Variants in OSR2 observed in about 807,000 individuals in gnomAD.
OSR2 encodes protein odd-skipped-related 2.
In OSR2, 8 loss-of-function variants were observed where a neutral mutation model predicts 22.3. That is an observed-to-expected ratio of 0.36 (90% CI 0.21 to 0.65). The LOEUF (loss-of-function observed/expected upper bound fraction) is 0.65, where lower values mean the gene tolerates loss of function less well. Ranked by LOEUF, OSR2 falls within the 30% of genes least tolerant of loss-of-function variation. The pLI, the probability that OSR2 is intolerant of heterozygous loss-of-function variation, is 0.66. For missense variants in OSR2, 311 were observed against 413.4 expected (o/e 0.75, Z 2.15); for synonymous variants, 179 against 173.8 (o/e 1.03, Z -0.23).
In OSR2 at chr8:98,949,254, C is replaced by T. The variant is rs769577107; in HGVS notation, c.302C>T (p.Ala101Val). ...CACCTATTCCACCCCAAGCAGGGGG[C>T]CATTGCCCACGTCCTCCCAGCCCTG... is the stretch of plus-strand genomic sequence containing the variant. ...TTHLFHPKQGAIAHVLPALHK... is the reference protein window; with the variant it reads ...TTHLFHPKQGVIAHVLPALHK... Residue 101 changes from alanine to valine, a missense_variant, in exon 2 of 4, where the codon GCC becomes GTC. By Grantham distance (64) the Ala-to-Val change is moderately conservative (BLOSUM62 0). This residue lies in a region of OSR2 where 146 missense variants were observed against 160.5 expected (regional missense o/e 0.91). Transcript: ENST00000297565. This position sits in a 1 kb window ranked among gnomAD's most constrained non-coding sequence, Gnocchi z 5.9. 1 of 1,606,988 alleles carries T rather than the reference C, an allele frequency of 6.2e-7. No homozygotes were observed. Among genetic ancestry groups the T allele is most frequent in the Non-Finnish European group, 8.5e-7 (1 of 1,175,330 alleles).
intron 3 of OSR2, 94 bp downstream of exon 3, chr8:98,950,849 A>C (rs1254320384): frequency 2.5e-6 from 2 of 803,538 alleles, no homozygotes; most frequent in Non-Finnish European, 4.2e-6. Flanking sequence ...TTCTCTTAAA[A>C]GGCTCTATTT....
intron 1 of OSR2, among the ~76,000 whole-genome samples, chr8:98,947,104 G>T (rs1249469543): frequency 6.6e-6 from 1 of 151,798 alleles, no homozygotes; most frequent in Non-Finnish European, 1.5e-5. Flanking sequence ...TGGGAAAGTT[G>T]ATTACTAATG....
At chr8:98,944,981 T>C (rs753026896) in intron 1 of OSR2, among the ~76,000 whole-genome samples, 158 bp downstream of exon 1, 6 of 152,210 alleles carry the variant, frequency 3.9e-5, no homozygotes, top group Non-Finnish European at 7.4e-5. Context: ...TCTCACTTCC[T>C]TGGGTCCCTG....
In OSR2 at chr8:98,951,976, TTTGTTTTG is replaced by T. The variant is rs1181139329; in HGVS notation, c.*286_*293del. On this transcript the variant is annotated 3_prime_UTR_variant, in exon 4 of 4. Transcript: ENST00000297565. ...AGCTCTGTACATAATGTTGTGGGTC[TTTGTTTTG>T]TTGTTTTGTTTGCTTTGGGATCTTG... 3.2e-6 allele frequency: 1 copy of T among 315,582 alleles called. No individual in the cohort carries two copies. Among genetic ancestry groups the T allele is most frequent in the Non-Finnish European group, 5.8e-6 (1 of 173,080 alleles). The allele number at this position is 315,582 out of a possible 1,614,324, so 19.5% of individuals were successfully genotyped here.
rs776584989 is a variant in OSR2 at position 98,949,177 on chromosome 8, G to T, written c.225G>T (p.Ala75=). The T allele has an allele frequency of 6.2e-7, 1 of 1,601,328 alleles. No individual in the cohort carries two copies. The highest frequency in any genetic ancestry group is 2.2e-5 in the East Asian group (1 of 44,790). ...CCACCATCACGGAGATGGCGGCGGC[G>T]CAGGGCCTCGTGGACGCGCGCTTCC... ...TRSTITEMAA[A]QGLVDARFPF... The change falls in exon 2 of 4, where the codon GCG becomes GCT. Residue 75 remains alanine, a synonymous_variant. Coordinates refer to ENST00000297565, the MANE Select transcript of OSR2 (RefSeq NM_001142462.3). This position sits in a 1 kb window ranked among gnomAD's most constrained non-coding sequence, Gnocchi z 5.9.
Position 98,948,587 on chromosome 8 carries a change from C to A in OSR2, c.-114-252C>A. ...CTTCCGCTCCGTATCTGCCTAGAGT[C>A]TGAATCCGACTTTCTTTCCTTTGGG... On this transcript the variant is annotated intron_variant, in intron 1 of 3. Coordinates refer to ENST00000297565, the MANE Select transcript of OSR2 (RefSeq NM_001142462.3). This position sits in a 1 kb window ranked among gnomAD's most constrained non-coding sequence, Gnocchi z 6.0. 1.8e-6 allele frequency: 2 copies of A among 1,087,796 alleles called. No homozygotes were observed. The highest frequency in any genetic ancestry group is 2.5e-6 in the Non-Finnish European group (2 of 787,558). The allele number at this position is 1,087,796 out of a possible 1,614,324, so 67.4% of individuals were successfully genotyped here. A position where few individuals can be genotyped will look rare whatever the true frequency, so the allele number is the denominator to read the frequency against.
chr8:98,946,526 C>T (rs1275409943), intron 1 of OSR2, among the ~76,000 whole-genome samples: 2 of 152,082 alleles, frequency 1.3e-5, no homozygotes, highest in African/African-American at 4.8e-5. Flanking sequence ...AAACTATCTG[C>T]CCTACAAATT....
intron 1 of OSR2, among the ~76,000 whole-genome samples, chr8:98,947,915 G>A (rs547227707): frequency 6.6e-6 from 1 of 152,270 alleles, no homozygotes; most frequent in African/African-American, 2.4e-5. Context: ...GAGGGATGTA[G>A]GGGTCGCTCC....
chr8:98,948,323 G>A lies in OSR2; in HGVS notation c.-114-516G>A. On this transcript the variant is annotated intron_variant, in intron 1 of 3. Coordinates refer to ENST00000297565, the MANE Select transcript of OSR2 (RefSeq NM_001142462.3). The surrounding 1 kb of genome is among the most constrained non-coding windows in gnomAD (Gnocchi z 6.0). ...TTGCCATCCGGGTAAGCGCGGGAAA[G>A]GCGGCCACAGGGCGCGGCGGCAGCG... 3 of 1,524,240 alleles carry A rather than the reference G, an allele frequency of 2.0e-6. No individual in the cohort carries two copies. The highest frequency in any genetic ancestry group is 1.2e-5 in the South Asian group (1 of 83,328). 94.4% of individuals were successfully genotyped at this position (1,524,240 alleles called of 1,614,324 possible). A position where few individuals can be genotyped will look rare whatever the true frequency, so the allele number is the denominator to read the frequency against.
In OSR2 at chr8:98,952,010, T is replaced by A; in HGVS notation, c.*309T>A. On this transcript the variant is annotated 3_prime_UTR_variant, in exon 4 of 4. Coordinates refer to ENST00000297565, the MANE Select transcript of OSR2 (RefSeq NM_001142462.3). ...TTGTTTTGTTTGCTTTGGGATCTTG[T>A]TGGATGCACTTAGATATGGAAAATG... 1 of 253,938 alleles carries A rather than the reference T, an allele frequency of 3.9e-6. No homozygotes were observed. Among genetic ancestry groups the A allele is most frequent in the Non-Finnish European group, 7.5e-6 (1 of 133,690 alleles). 15.7% of individuals were successfully genotyped at this position (253,938 alleles called of 1,614,324 possible).
At chr8:98,950,908 A>T in intron 3 of OSR2, 153 bp downstream of exon 3, 1 of 662,710 alleles carries the variant, frequency 1.5e-6, no homozygotes, top group Non-Finnish European at 2.7e-6. Flanking sequence ...TCTTTAATAC[A>T]TAAAATTAAT....
Position 98,948,367 on chromosome 8 carries a change from G to C in OSR2, c.-114-472G>C. 2.7e-6 allele frequency: 4 copies of C among 1,506,504 alleles called. No homozygotes were observed. Among genetic ancestry groups the C allele is most frequent in the Non-Finnish European group, 2.7e-6 (3 of 1,130,726 alleles). The allele number at this position is 1,506,504 out of a possible 1,614,324, so 93.3% of individuals were successfully genotyped here. The stretch of plus-strand genomic sequence containing the variant: ...GGCAGCGCAGCGCGTGGGATCTCAC[G>C]ACCCATCCGTTAACCCACCGTTCCC... On this transcript the variant is annotated intron_variant, in intron 1 of 3. Transcript: ENST00000297565. This position sits in a 1 kb window ranked among gnomAD's most constrained non-coding sequence, Gnocchi z 6.0.
chr8:98,949,255 C>T lies in OSR2; in HGVS notation c.303C>T (p.Ala101=), dbSNP rs773032968. ...ACCTATTCCACCCCAAGCAGGGGGCCATTGCCCACGTCCTCCCAGCCCTGC... is the reference window on the plus strand; with the variant it reads ...ACCTATTCCACCCCAAGCAGGGGGCTATTGCCCACGTCCTCCCAGCCCTGC... The part of the protein sequence containing the change: ...TTHLFHPKQG[A]IAHVLPALHK... The change falls in exon 2 of 4, where the codon GCC becomes GCT. Residue 101 remains alanine (A), a synonymous_variant. Coordinates refer to ENST00000297565, the MANE Select transcript of OSR2 (RefSeq NM_001142462.3). The surrounding 1 kb of genome is among the most constrained non-coding windows in gnomAD (Gnocchi z 5.9). 1.2e-6 allele frequency: 2 copies of T among 1,607,630 alleles called. No homozygotes were observed. Among genetic ancestry groups the T allele is most frequent in the South Asian group, 2.2e-5 (2 of 90,406 alleles).
chr8:98,947,913 T>C (rs1225456459), intron 1 of OSR2, among the ~76,000 whole-genome samples: 2 of 152,014 alleles, frequency 1.3e-5, no homozygotes, highest in Non-Finnish European at 2.9e-5. Context: ...TGGAGGGATG[T>C]AGGGGTCGCT....
rs755092691 is a variant in OSR2, at chr8:98,949,237, C to T, written c.285C>T (p.Phe95=). ...CCCTGCCTTTTACCACCCACCTATTCCACCCCAAGCAGGGGGCCATTGCCC... is the reference window on the plus strand; with the variant it reads ...CCCTGCCTTTTACCACCCACCTATTTCACCCCAAGCAGGGGGCCATTGCCC... ...FPALPFTTHL[F]HPKQGAIAHV... Residue 95 remains phenylalanine (F), a synonymous_variant, in exon 2 of 4, where the codon TTC becomes TTT. Transcript: ENST00000297565. The surrounding 1 kb of genome is among the most constrained non-coding windows in gnomAD (Gnocchi z 5.9). 34 of 1,597,974 alleles carry T rather than the reference C, an allele frequency of 2.1e-5. No homozygotes were observed. The highest frequency in any genetic ancestry group is 2.9e-5 in the Non-Finnish European group (34 of 1,170,228).
chr8:98,950,606 C>A, intron 2 of OSR2, 50 bp from the exon 3 acceptor site: 1 of 1,213,524 alleles, frequency 8.2e-7, no homozygotes, highest in Non-Finnish European at 1.2e-6. Context: ...AAAAGTAACT[C>A]TTCACCATGG....
At position 98,951,507 on chromosome 8, in the gene OSR2, A is replaced by G; in HGVS notation, c.757-12A>G. 4.5e-6 allele frequency: 7 copies of G among 1,567,350 alleles called. No homozygotes were observed. The highest frequency in any genetic ancestry group is 2.4e-5 in the East Asian group (1 of 42,060). The stretch of plus-strand genomic sequence containing the variant: ...GAAGGATTAATCCTTTGCTTGCTTC[A>G]CATCTGAACAGGAATCTCCACACAA... On this transcript the variant is annotated splice_polypyrimidine_tract_variant and intron_variant, in intron 3 of 3. Transcript: ENST00000297565.
In OSR2 at chr8:98,949,342, G is replaced by C. The variant is rs202187599; in HGVS notation, c.390G>C (p.Pro130=). The change falls in exon 2 of 4, where the codon CCG becomes CCC. Residue 130 remains proline (P), a synonymous_variant. Transcript: ENST00000297565. This position sits in a 1 kb window ranked among gnomAD's most constrained non-coding sequence, Gnocchi z 5.9. ...NLAVAATQED[P]PKMGDLSKLS... ...CGGTGGCTGCCACGCAAGAGGATCCGCCTAAGATGGGAGACCTGAGCAAGC... is the reference window on the plus strand; with the variant it reads ...CGGTGGCTGCCACGCAAGAGGATCCCCCTAAGATGGGAGACCTGAGCAAGC... The C allele has an allele frequency of 6.7e-4, 1,082 of 1,612,872 alleles. No homozygotes were observed. Among genetic ancestry groups the C allele is most frequent in the Non-Finnish European group, 8.7e-4 (1,027 of 1,179,332 alleles).
rs1840758355 is a variant in OSR2, at chr8:98,950,680, C to T, written c.681C>T (p.Pro227=). Reference sequence around the variant, plus strand: ...GATACATCCATTCCAAAGAAAAACCCTTCAAATGTCAGGAGTGTGGGAAAG... The same window carrying T: ...GATACATCCATTCCAAAGAAAAACCTTTCAAATGTCAGGAGTGTGGGAAAG... The part of the protein sequence containing the change: ...DHRYIHSKEK[P]FKCQECGKGF... Residue 227 remains proline, a synonymous_variant, in exon 3 of 4, where the codon CCC becomes CCT. Transcript: ENST00000297565. The T allele has an allele frequency of 1.2e-6, 2 of 1,612,500 alleles. No homozygotes were observed. The highest frequency in any genetic ancestry group is 1.7e-6 in the Non-Finnish European group (2 of 1,179,012).
Sources: allele counts gnomAD v4.1 joint callset (sites outside exome capture counted in the v4.1 genomes callset), GRCh38; gene constraint gnomAD v4.1.1; regional missense constraint gnomAD v4.1.1; non-coding constraint Gnocchi (gnomAD v3.1); transcripts MANE v1.5; gene names NCBI Gene and HGNC (gene_info 2026-07-23, HGNC 2026-07-21).